The following GRID2 variants were observed in gnomAD, a reference collection of about 807,000 sequenced individuals.
GRID2 encodes glutamate ionotropic receptor delta type subunit 2, also known as glutamate receptor ionotropic, delta-2.
In GRID2, 33 loss-of-function variants were observed where a neutral mutation model predicts 114.8. The observed-to-expected ratio is 0.29, with a 90% CI of 0.22 to 0.38. The LOEUF is 0.38. Among genes scored for constraint, GRID2 ranks in the 10% least tolerant of loss-of-function variants. The pLI is 1.00. For missense variants in GRID2, 1,184 were observed against 1,257.7 expected (o/e 0.94, Z 0.89); for synonymous variants, 505 against 449.9 (o/e 1.12, Z -1.55).
At chr4:93,036,679 A>G (rs1560816242) in intron 2 of GRID2, among the ~76,000 whole-genome samples, 2 of 152,086 alleles carry the variant, frequency 1.3e-5, no homozygotes, top group Non-Finnish European at 2.9e-5. Flanking sequence ...AGTGTAATTT[A>G]CTTTCTTTTA....
intron 14 of GRID2, among the ~76,000 whole-genome samples, chr4:93,753,780 G>A (rs980121263): frequency 8.5e-5 from 13 of 152,198 alleles, no homozygotes; most frequent in South Asian, 4.1e-4. Flanking sequence ...CTTTGCTATC[G>A]TGAATAGTGC....
intron 2 of GRID2, among the ~76,000 whole-genome samples, chr4:92,597,000 A>C (rs1421761631): frequency 6.6e-6 from 1 of 152,098 alleles, no homozygotes; most frequent in Non-Finnish European, 1.5e-5. Flanking sequence ...TTGTGTTAAT[A>C]ATAGAAGGAA....
chr4:92,548,401 ATTTT>A (rs61653263), intron 1 of GRID2, among the ~76,000 whole-genome samples: 5 of 60,808 alleles, frequency 8.2e-5, no homozygotes, highest in African/African-American at 2.6e-4. Flanking sequence ...AGACTGTGTA[ATTTT>A]TTTTTTTTTT....
At chr4:92,904,563 T>C (rs1747812817) in intron 2 of GRID2, among the ~76,000 whole-genome samples, 1 of 151,798 alleles carries the variant, frequency 6.6e-6, no homozygotes, top group Non-Finnish European at 1.5e-5. Flanking sequence ...ACAGAGTTTC[T>C]AATATAAAGT....
At chr4:92,782,778 A>T (rs922367730) in intron 2 of GRID2, among the ~76,000 whole-genome samples, 1 of 152,036 alleles carries the variant, frequency 6.6e-6, no homozygotes, top group Non-Finnish European at 1.5e-5. Flanking sequence ...GGAGGGTCGA[A>T]GGTGAGATTG....
intron 8 of GRID2, among the ~76,000 whole-genome samples, chr4:93,307,469 CTTTG>C (rs942374340): frequency 7.9e-5 from 12 of 151,850 alleles, no homozygotes; most frequent in African/African-American, 2.7e-4. Context: ...CTCTTCACAG[CTTTG>C]TTTATTTTTA....
chr4:92,841,589 G>GTCCTTTTTCCTTTT (rs1347659451), intron 2 of GRID2, among the ~76,000 whole-genome samples: 1 of 151,836 alleles, frequency 6.6e-6, no homozygotes, highest in Non-Finnish European at 1.5e-5. Context: ...TCCAGATGCA[G>GTCCTTTTTCCTTTT]TCCTTTTTCC....
At chr4:93,524,770 T>C (rs1730661430) in intron 13 of GRID2, among the ~76,000 whole-genome samples, 1 of 127,386 alleles carries the variant, frequency 7.9e-6, no homozygotes, top group Non-Finnish European at 1.6e-5. Flanking sequence ...CAAGAAAAAA[T>C]ATATGTATGT....
chr4:92,756,304 T>C (rs1174314329), intron 2 of GRID2, among the ~76,000 whole-genome samples: 1 of 152,168 alleles, frequency 6.6e-6, no homozygotes, highest in Admixed American at 6.6e-5. Context: ...TAGTATTTCA[T>C]TGTGTATACA....
intron 8 of GRID2, among the ~76,000 whole-genome samples, chr4:93,353,049 A>G (rs1760959265): frequency 6.6e-6 from 1 of 152,048 alleles, no homozygotes; most frequent in Non-Finnish European, 1.5e-5. Context: ...TTCAAAAAGA[A>G]GGAGAACAAA....
intron 13 of GRID2, among the ~76,000 whole-genome samples, chr4:93,615,760 AT>A (rs1741575269): frequency 1.3e-5 from 2 of 151,146 alleles, no homozygotes; most frequent in Admixed American, 6.6e-5. Context: ...AAGTAGTTGT[AT>A]TTTTTTAATG....
chr4:92,469,724 C>T (rs998572481), intron 1 of GRID2, among the ~76,000 whole-genome samples: 2 of 150,726 alleles, frequency 1.3e-5, no homozygotes, highest in African/African-American at 4.8e-5. Context: ...AAAGCCACAA[C>T]AAAAATAACC....
intron 2 of GRID2, among the ~76,000 whole-genome samples, chr4:92,869,593 A>G (rs1194660368): frequency 2.0e-5 from 3 of 152,182 alleles, no homozygotes; most frequent in Non-Finnish European, 4.4e-5. Flanking sequence ...ATGAATAAAT[A>G]ACAACTGAGT....
intron 2 of GRID2, among the ~76,000 whole-genome samples, chr4:92,863,731 G>A (rs1744682872): frequency 1.3e-5 from 2 of 152,118 alleles, no homozygotes; most frequent in African/African-American, 4.8e-5. Context: ...CCGTGCCACA[G>A]GATTTTAGAG....
chr4:93,514,422 T>TACACACACACAC lies in GRID2; in HGVS notation c.1998-766_1998-755dup, dbSNP rs56718347. ...GAAATCGCTCCCCCCACCTCCACAG[T>TACACACACACAC]ACACACACACACACACACACACACA... On this transcript the variant is annotated intron_variant, in intron 12 of 15. Coordinates refer to ENST00000282020, the MANE Select transcript of GRID2 (RefSeq NM_001510.4). 2.9e-3 allele frequency among the ~76,000 whole-genome samples: 405 copies of TACACACACACAC among 139,752 alleles called. 4 individuals are homozygous for TACACACACACAC. The highest frequency in any genetic ancestry group is 3.7e-3 in the Non-Finnish European group (242 of 64,566). 91.7% of individuals were successfully genotyped at this position (139,752 alleles called of 152,430 possible).
chr4:92,401,005 T>A (rs1305497792), intron 1 of GRID2, among the ~76,000 whole-genome samples: 1 of 152,164 alleles, frequency 6.6e-6, no homozygotes, highest in Non-Finnish European at 1.5e-5. Flanking sequence ...TAATCAAATA[T>A]GATTTGCAAA....
At chr4:92,693,480 A>G (rs1048698548) in intron 2 of GRID2, among the ~76,000 whole-genome samples, 1 of 152,248 alleles carries the variant, frequency 6.6e-6, no homozygotes, top group Non-Finnish European at 1.5e-5. Flanking sequence ...TGTTTGAACA[A>G]AAATATTTTC....
Position 92,808,682 on chromosome 4 carries a change from G to T in GRID2, c.244+218396G>T, listed in dbSNP as rs115388315. ...TGTACTGGAAATAACTGAAGTATTGGGTTCAATATCATTATACACACTATT... is the reference window on the plus strand; with the variant it reads ...TGTACTGGAAATAACTGAAGTATTGTGTTCAATATCATTATACACACTATT... On this transcript the variant is annotated intron_variant, in intron 2 of 15. Coordinates refer to ENST00000282020, the MANE Select transcript of GRID2 (RefSeq NM_001510.4). Among the ~76,000 whole-genome samples, 193 of 151,936 alleles carry T rather than the reference G, an allele frequency of 1.3e-3. 1 individual carries two copies. Among genetic ancestry groups the T allele is most frequent in the African/African-American group, 4.3e-3 (179 of 41,490 alleles).
intron 2 of GRID2, among the ~76,000 whole-genome samples, chr4:92,895,284 A>T (rs944338361): frequency 6.6e-6 from 1 of 151,002 alleles, no homozygotes; most frequent in Admixed American, 6.6e-5. Context: ...GTCATACCAA[A>T]CCTGTAGCTG....
Sources: gnomAD v4.1 joint callset for allele counts (sites outside exome capture counted in the v4.1 genomes callset) on GRCh38, gnomAD v4.1.1 for gene constraint, MANE v1.5 for transcripts, NCBI Gene and HGNC (gene_info 2026-07-23, HGNC 2026-07-21) for gene names.